Variants in ANKRD30B observed in about 807,000 individuals in gnomAD.
ANKRD30B encodes ankyrin repeat domain 30B.
In ANKRD30B, 144 loss-of-function variants were observed where a neutral mutation model predicts 202.2. That is an observed-to-expected ratio of 0.71 (90% CI 0.62 to 0.82). The LOEUF (loss-of-function observed/expected upper bound fraction) is 0.82. Among genes scored for constraint, ANKRD30B ranks in the 40% least tolerant of loss-of-function variants. The pLI, the probability that ANKRD30B is intolerant of heterozygous loss-of-function variation, is 0.00. For synonymous variants in ANKRD30B, 508 were observed against 561.3 expected, an observed-to-expected ratio of 0.91 and a Z score of 1.34; for missense variants, 1,487 against 1,669.1, an observed-to-expected ratio of 0.89 and a Z score of 1.90.
intron 20 of ANKRD30B, among the ~76,000 whole-genome samples, chr18:14,798,576 A>T (rs568416440): frequency 4.0e-5 from 6 of 151,860 alleles, no homozygotes; most frequent in Non-Finnish European, 8.8e-5. Context: ...CCTTAACCCT[A>T]AAGAGGCTAG....
chr18:14,938,823 T>C, the ANKRD30B span, among the ~76,000 whole-genome samples: 2 of 152,108 alleles, frequency 1.3e-5, no homozygotes, highest in African/African-American at 2.4e-5. Context: ...CAGATTTAAA[T>C]TGAAGCAAGA....
At chr18:14,850,781 C>A (rs1246233388) in intron 41 of ANKRD30B, among the ~76,000 whole-genome samples, 1 of 151,828 alleles carries the variant, frequency 6.6e-6, no homozygotes, top group East Asian at 1.9e-4. Flanking sequence ...TAGATTTTAT[C>A]TTCTTTACCA....
chr18:14,921,577 T>A, the ANKRD30B span, among the ~76,000 whole-genome samples: 1 of 151,754 alleles, frequency 6.6e-6, no homozygotes, highest in Non-Finnish European at 1.5e-5. Context: ...AAAAAAATCA[T>A]AGAATAGCCT....
At chr18:14,799,371 C>A (rs1193625513) in intron 22 of ANKRD30B, 76 bp downstream of exon 22, 2 of 1,295,522 alleles carry the variant, frequency 1.5e-6, no homozygotes, top group African/African-American at 3.0e-5. Flanking sequence ...CCTTTTTATT[C>A]CCAATGTTGT....
chr18:14,757,787 A>C, intron 4 of ANKRD30B, 28 bp from the exon 5 acceptor site: 2 of 1,605,574 alleles, frequency 1.2e-6, no homozygotes, highest in African/African-American at 1.3e-5. Context: ...GATTCTGCTC[A>C]TAATAAGTTA....
At chr18:14,867,060 C>G in the ANKRD30B span, among the ~76,000 whole-genome samples, 1 of 143,410 alleles carries the variant, frequency 7.0e-6, no homozygotes, top group East Asian at 2.1e-4. Flanking sequence ...TGGTTGGGTG[C>G]AGTACCCCGG....
intron 33 of ANKRD30B, 103 bp from the exon 34 acceptor site, chr18:14,831,279 GT>G: frequency 3.1e-6 from 2 of 636,066 alleles, no homozygotes; most frequent in Admixed American, 3.5e-5. Context: ...CCCAGATTTT[GT>G]TTTTTGTTCT....
downstream of ANKRD30B, among the ~76,000 whole-genome samples, chr18:14,859,081 C>A (rs1331319134): frequency 8.8e-5 from 12 of 136,376 alleles, no homozygotes; most frequent in Non-Finnish European, 1.8e-4. Flanking sequence ...GGCAGAGGCG[C>A]TCCTCACCTC....
chr18:14,753,566 T>C (rs9709696), intron 3 of ANKRD30B, among the ~76,000 whole-genome samples: 72,740 of 151,994 alleles, frequency 0.48, 17,605 homozygotes, highest in East Asian at 0.57. Flanking sequence ...ATAGTATATT[T>C]TGGTAAAGGT....
chr18:14,830,662 T>G (rs1970876762), intron 33 of ANKRD30B, among the ~76,000 whole-genome samples: 1 of 152,170 alleles, frequency 6.6e-6, no homozygotes, highest in South Asian at 2.1e-4. Flanking sequence ...GTACCTTTCT[T>G]CCTCATTTTA....
chr18:14,864,714 T>C, the ANKRD30B span, among the ~76,000 whole-genome samples: 2 of 151,912 alleles, frequency 1.3e-5, no homozygotes, highest in East Asian at 1.9e-4. Context: ...CCTCATCTTT[T>C]CCCAAAGCCT....
intron 42 of ANKRD30B, among the ~76,000 whole-genome samples, chr18:14,853,043 A>G (rs1238923003): frequency 6.6e-6 from 1 of 152,094 alleles, no homozygotes; most frequent in East Asian, 1.9e-4. Flanking sequence ...GTGTTTTGTT[A>G]AATAATACCT....
the ANKRD30B span, among the ~76,000 whole-genome samples, chr18:14,860,713 T>G: frequency 6.6e-6 from 1 of 151,344 alleles, no homozygotes; most frequent in African/African-American, 2.4e-5. Context: ...CCAATAATTT[T>G]TTTTTTTTGG....
chr18:14,864,385 CAT>C, the ANKRD30B span, among the ~76,000 whole-genome samples: 1 of 152,180 alleles, frequency 6.6e-6, no homozygotes, highest in South Asian at 2.1e-4. Context: ...ACCCTGAAAT[CAT>C]ATCAATTATT....
At chr18:14,897,132 G>A in the ANKRD30B span, among the ~76,000 whole-genome samples, 1 of 152,116 alleles carries the variant, frequency 6.6e-6, no homozygotes, top group African/African-American at 2.4e-5. Flanking sequence ...AGTACTATGT[G>A]CAAGGCCATG....
chr18:14,914,919 G>A, the ANKRD30B span, among the ~76,000 whole-genome samples: 79 of 152,282 alleles, frequency 5.2e-4, 1 homozygote, highest in Admixed American at 2.3e-3. Flanking sequence ...ATCCACATAT[G>A]GTGGTGATAG....
chr18:14,807,528 AT>A (rs1386841593), intron 24 of ANKRD30B, among the ~76,000 whole-genome samples: 1 of 147,374 alleles, frequency 6.8e-6, no homozygotes. Flanking sequence ...ATACTTTCAT[AT>A]CAGGTGTTTT....
chr18:14,778,931 A>C (rs1031804878), intron 10 of ANKRD30B, among the ~76,000 whole-genome samples: 3 of 152,176 alleles, frequency 2.0e-5, no homozygotes, highest in African/African-American at 7.2e-5. Flanking sequence ...GAGGGGAAAA[A>C]AGAGGTAAAG....
At chr18:14,823,884 A>G (rs1190658378) in intron 32 of ANKRD30B, among the ~76,000 whole-genome samples, 1 of 152,178 alleles carries the variant, frequency 6.6e-6, no homozygotes, top group Non-Finnish European at 1.5e-5. Context: ...CTGAGGCAGG[A>G]GAATTGCTTG....
Sources: allele counts gnomAD v4.1 joint callset (sites outside exome capture counted in the v4.1 genomes callset), GRCh38; gene constraint gnomAD v4.1.1; transcripts MANE v1.5; gene names NCBI Gene and HGNC (gene_info 2026-07-23, HGNC 2026-07-21).